STAG1: variants seen among roughly 807,000 people sequenced by gnomAD.
STAG1 encodes cohesin subunit SA-1.
In STAG1, 26 loss-of-function variants were observed where a neutral mutation model predicts 170.9. The observed-to-expected ratio is 0.15, with a 90% CI of 0.11 to 0.21. The LOEUF is 0.21. Among genes scored for constraint, STAG1 ranks in the 10% least tolerant of loss-of-function variants. The pLI, the probability that STAG1 is intolerant of heterozygous loss-of-function variation, is 1.00. For missense variants in STAG1, 964 were observed against 1,509.5 expected (o/e 0.64, Z 5.99); for synonymous variants, 514 against 497.7 (o/e 1.03, Z -0.44).
chr3:136,526,437 C>A (rs1376737421), intron 6 of STAG1, among the ~76,000 whole-genome samples: 4 of 151,502 alleles, frequency 2.6e-5, no homozygotes, highest in African/African-American at 9.7e-5. Flanking sequence ...TTTTTGTTTT[C>A]CATTTGCTTG....
intron 3 of STAG1, 87 bp downstream of exon 3, chr3:136,623,059 C>G: frequency 8.8e-7 from 1 of 1,132,088 alleles, no homozygotes; most frequent in Non-Finnish European, 1.3e-6. Context: ...TAAGTATTAA[C>G]CATACTAGCA....
At chr3:136,382,724 T>C (rs1358247625) in intron 22 of STAG1, among the ~76,000 whole-genome samples, 1 of 152,098 alleles carries the variant, frequency 6.6e-6, no homozygotes, top group Non-Finnish European at 1.5e-5. Flanking sequence ...CTTTCTTTAT[T>C]GTTATTATTT....
At chr3:136,345,393 A>G (rs999431621) in intron 29 of STAG1, among the ~76,000 whole-genome samples, 4 of 151,492 alleles carry the variant, frequency 2.6e-5, no homozygotes, top group Admixed American at 1.3e-4. Context: ...AAGATGGTTT[A>G]TAAAGATTTG....
At chr3:136,465,521 G>C (rs755677910) in intron 12 of STAG1, among the ~76,000 whole-genome samples, 1 of 115,270 alleles carries the variant, frequency 8.7e-6, no homozygotes, top group East Asian at 2.9e-4. Context: ...GTGCCTGGCC[G>C]CCTTCTAGTC....
At chr3:136,496,139 C>T (rs1268580705) in intron 9 of STAG1, among the ~76,000 whole-genome samples, 2 of 151,880 alleles carry the variant, frequency 1.3e-5, no homozygotes, top group African/African-American at 2.4e-5. Flanking sequence ...AGGGAGACTC[C>T]GTCTCAAAAA....
chr3:136,658,464 A>T (rs1576725889), intron 1 of STAG1, among the ~76,000 whole-genome samples: 1 of 152,136 alleles, frequency 6.6e-6, no homozygotes, highest in East Asian at 1.9e-4. Flanking sequence ...TTGCTTGCAA[A>T]ACCAAAAAAC....
At chr3:136,747,863 G>A (rs1056623069) in intron 1 of STAG1, among the ~76,000 whole-genome samples, 21 of 149,092 alleles carry the variant, frequency 1.4e-4, no homozygotes, top group African/African-American at 4.7e-4. Flanking sequence ...TGCAAGCTCC[G>A]CCTCCCGGGT....
intron 4 of STAG1, among the ~76,000 whole-genome samples, chr3:136,585,593 A>AAATAATAAT (rs562758896): frequency 2.2e-3 from 338 of 150,774 alleles, no homozygotes; most frequent in African/African-American, 7.8e-3. Context: ...TGAGACTCAA[A>AAATAATAAT]AATAATAATA....
At chr3:136,424,094 C>A (rs1042154695) in intron 16 of STAG1, among the ~76,000 whole-genome samples, 1 of 152,038 alleles carries the variant, frequency 6.6e-6, no homozygotes, top group Admixed American at 6.5e-5. Context: ...AACTCCTGAC[C>A]TCAAGTGATC....
At chr3:136,359,060 G>A (rs1411603645) in intron 27 of STAG1, 88 bp downstream of exon 27, 30 of 1,063,228 alleles carry the variant, frequency 2.8e-5, no homozygotes, top group Admixed American at 1.1e-4. Context: ...AAATTCTATC[G>A]TCACTTTAAA....
At chr3:136,621,037 A>G (rs1939824465) in intron 3 of STAG1, among the ~76,000 whole-genome samples, 1 of 152,168 alleles carries the variant, frequency 6.6e-6, no homozygotes, top group African/African-American at 2.4e-5. Flanking sequence ...CTGAGGCAGA[A>G]GAATCACTTG....
chr3:136,645,000 G>C (rs1003119081), intron 1 of STAG1, among the ~76,000 whole-genome samples: 9 of 152,080 alleles, frequency 5.9e-5, no homozygotes, highest in Non-Finnish European at 1.3e-4. Flanking sequence ...GAAGTGCTGG[G>C]ATTACAGGTG....
intron 1 of STAG1, among the ~76,000 whole-genome samples, chr3:136,654,722 T>C (rs189264354): frequency 6.5e-4 from 99 of 152,326 alleles, no homozygotes; most frequent in African/African-American, 2.2e-3. Flanking sequence ...AGAACAAAGC[T>C]GGAAGACTCA....
In STAG1 at chr3:136,666,074, CAAAAAAAAAAAAAAAAAAAAAAA is replaced by C. The variant is rs576009223; in HGVS notation, c.-83-35116_-83-35094del. 5.5e-4 allele frequency among the ~76,000 whole-genome samples: 28 copies of C among 51,170 alleles called. No individual in the cohort carries two copies. The East Asian group carries it at 8.0e-3, about 15-fold the overall frequency. 33.6% of individuals were successfully genotyped at this position (51,170 alleles called of 152,430 possible). A position where few individuals can be genotyped will look rare whatever the true frequency, so the allele number is the denominator to read the frequency against. On this transcript the variant is annotated intron_variant, in intron 1 of 33. Transcript: ENST00000383202. ...TGGGCGATAGAGTGAGACTCCATCT[CAAAAAAAAAAAAAAAAAAAAAAA>C]AAAAAAAAAAAAAAGAAAGAAATGC...
At chr3:136,661,810 T>G (rs1941590203) in intron 1 of STAG1, among the ~76,000 whole-genome samples, 1 of 152,090 alleles carries the variant, frequency 6.6e-6, no homozygotes, top group Non-Finnish European at 1.5e-5. Flanking sequence ...TAACATGCAT[T>G]AATTCATGAG....
At chr3:136,577,897 A>G (rs1937513157) in intron 4 of STAG1, among the ~76,000 whole-genome samples, 1 of 152,210 alleles carries the variant, frequency 6.6e-6, no homozygotes, top group Non-Finnish European at 1.5e-5. Flanking sequence ...CCTGTCGCTG[A>G]AAGTGACTAC....
intron 1 of STAG1, among the ~76,000 whole-genome samples, chr3:136,725,957 T>C (rs1933640072): frequency 1.3e-5 from 2 of 152,208 alleles, no homozygotes; most frequent in African/African-American, 2.4e-5. Context: ...TCCTCACTTA[T>C]CTACTCTAAC....
At chr3:136,711,701 A>G (rs1285492278) in intron 1 of STAG1, among the ~76,000 whole-genome samples, 1 of 152,204 alleles carries the variant, frequency 6.6e-6, no homozygotes, top group Admixed American at 6.5e-5. Context: ...GCATGCATCT[A>G]TGGACATGAC....
At chr3:136,488,273 C>A (rs2090055928) in intron 9 of STAG1, among the ~76,000 whole-genome samples, 1 of 152,174 alleles carries the variant, frequency 6.6e-6, no homozygotes, top group Non-Finnish European at 1.5e-5. Flanking sequence ...TAGGCACGTG[C>A]CACTGCATCC....
Sources: gnomAD v4.1 joint callset for allele counts (sites outside exome capture counted in the v4.1 genomes callset) on GRCh38, gnomAD v4.1.1 for gene constraint, MANE v1.5 for transcripts, NCBI Gene and HGNC (gene_info 2026-07-23, HGNC 2026-07-21) for gene names.